CADM2: variants seen among roughly 807,000 people sequenced by gnomAD.
CADM2 encodes cell adhesion molecule 2.
A neutral mutation model predicts 49.8 loss-of-function variants in CADM2; 12 were observed. The ratio of observed to expected loss-of-function variants is 0.24; its 90% CI spans 0.15 to 0.39. The LOEUF (loss-of-function observed/expected upper bound fraction) is 0.39, where lower values mean the gene tolerates loss of function less well. Among genes scored for constraint, CADM2 ranks in the 10% least tolerant of loss-of-function variants. The pLI is 1.00. For missense variants in CADM2, 378 were observed against 492.3 expected, an observed-to-expected ratio of 0.77 and a Z score of 2.20; for synonymous variants, 214 against 175.4, an observed-to-expected ratio of 1.22 and a Z score of -1.74.
intron 1 of CADM2, among the ~76,000 whole-genome samples, chr3:85,100,993 C>T (rs190489625): frequency 6.6e-6 from 1 of 152,114 alleles, no homozygotes; most frequent in African/African-American, 2.4e-5. Flanking sequence ...TGGTGGCTCA[C>T]GACTGTAATC....
chr3:85,054,553 A>G (rs2036005593), intron 1 of CADM2, among the ~76,000 whole-genome samples: 1 of 151,868 alleles, frequency 6.6e-6, no homozygotes. Flanking sequence ...GCATGGATTA[A>G]AGAGGGAAAG....
chr3:84,993,171 G>T (rs919148899), intron 1 of CADM2, among the ~76,000 whole-genome samples: 4 of 152,230 alleles, frequency 2.6e-5, no homozygotes, highest in African/African-American at 9.6e-5. Flanking sequence ...GGGTGGGCTT[G>T]TTTATCGGGC....
intron 2 of CADM2, among the ~76,000 whole-genome samples, chr3:85,764,660 C>A (rs1311567833): frequency 6.6e-6 from 1 of 151,970 alleles, no homozygotes; most frequent in African/African-American, 2.4e-5. Flanking sequence ...TTAAGAGATG[C>A]ATCAGCATAT....
chr3:86,067,700 A>C lies in CADM2; in HGVS notation c.*917A>C, dbSNP rs1240762571. ...AATCCAATTAAACATTATTTGATAC[A>C]TATTTAACTTTTTTGGCTGTATGTA... On this transcript the variant is annotated 3_prime_UTR_variant, in exon 10 of 10. Transcript: ENST00000383699. 6.6e-6 allele frequency: 1 copy of C among 152,510 alleles called. No homozygotes were observed. The highest frequency in any genetic ancestry group is 1.5e-5 in the Non-Finnish European group (1 of 67,928). 9.4% of individuals were successfully genotyped at this position (152,510 alleles called of 1,614,324 possible). A position where few individuals can be genotyped will look rare whatever the true frequency, so the allele number is the denominator to read the frequency against.
At chr3:85,354,213 AT>A (rs1320185727) in intron 1 of CADM2, among the ~76,000 whole-genome samples, 1 of 151,910 alleles carries the variant, frequency 6.6e-6, no homozygotes, top group Non-Finnish European at 1.5e-5. Context: ...TATTTAGAAA[AT>A]TCTTGATTTA....
intron 2 of CADM2, among the ~76,000 whole-genome samples, chr3:85,758,810 A>G (rs2069239614): frequency 6.6e-6 from 1 of 152,092 alleles, no homozygotes; most frequent in Admixed American, 6.6e-5. Flanking sequence ...TACTAGAAGT[A>G]TCAGTGTTCT....
intron 1 of CADM2, among the ~76,000 whole-genome samples, chr3:85,652,772 C>CTTTTTTTTTTT (rs34756757): frequency 0.02 from 1,024 of 50,800 alleles, 203 homozygotes; most frequent in South Asian, 0.034. Context: ...TTTTTCTTTT[C>CTTTTTTTTTTT]TTTTTTTTTT....
intron 8 of CADM2, among the ~76,000 whole-genome samples, chr3:85,999,667 AAG>A: frequency 6.6e-6 from 1 of 151,758 alleles, no homozygotes; most frequent in Non-Finnish European, 1.5e-5. Context: ...AAAAGAAAGA[AAG>A]AAAGAAAAAG....
intron 1 of CADM2, among the ~76,000 whole-genome samples, chr3:85,507,403 G>A (rs1340759694): frequency 6.6e-6 from 1 of 151,502 alleles, no homozygotes; most frequent in Non-Finnish European, 1.5e-5. Context: ...TGGTCAGGCT[G>A]GTCTTAAACT....
chr3:85,531,316 C>T (rs1424789616), intron 1 of CADM2, among the ~76,000 whole-genome samples: 1 of 152,064 alleles, frequency 6.6e-6, no homozygotes, highest in East Asian at 1.9e-4. Flanking sequence ...CCCAAGGAGA[C>T]ATAAAGACAC....
At chr3:85,918,725 C>T (rs1028620342) in intron 6 of CADM2, among the ~76,000 whole-genome samples, 3 of 152,022 alleles carry the variant, frequency 2.0e-5, no homozygotes, top group African/African-American at 7.2e-5. Context: ...GCAGATTTTA[C>T]ATAACAGGGA....
At chr3:85,947,688 G>A (rs1722913506) in intron 7 of CADM2, among the ~76,000 whole-genome samples, 1 of 151,350 alleles carries the variant, frequency 6.6e-6, no homozygotes, top group South Asian at 2.1e-4. Context: ...TGATTATCTT[G>A]GAAATGAGAC....
At chr3:85,943,021 C>G (rs371598610) in intron 7 of CADM2, among the ~76,000 whole-genome samples, 11 of 151,980 alleles carry the variant, frequency 7.2e-5, no homozygotes, top group African/African-American at 2.4e-4. Context: ...TTTAATGATT[C>G]CCATTCTAAC....
At chr3:85,993,938 G>A (rs1015066262) in intron 8 of CADM2, 1 of 152,038 alleles carries the variant, frequency 6.6e-6, no homozygotes, top group East Asian at 1.9e-4. Flanking sequence ...TTTATTAAAG[G>A]CCTTAGGATT....
At chr3:85,372,557 G>T (rs1432834186) in intron 1 of CADM2, among the ~76,000 whole-genome samples, 1 of 151,770 alleles carries the variant, frequency 6.6e-6, no homozygotes, top group East Asian at 1.9e-4. Context: ...CTAGGTAGAG[G>T]GCAATTAATT....
At chr3:85,854,894 T>A (rs2108302272) in intron 3 of CADM2, among the ~76,000 whole-genome samples, 1 of 152,264 alleles carries the variant, frequency 6.6e-6, no homozygotes, top group Non-Finnish European at 1.5e-5. Flanking sequence ...TAAATGAGAA[T>A]ACCTTAGTAA....
At chr3:85,241,309 A>T (rs879798221) in intron 1 of CADM2, among the ~76,000 whole-genome samples, 33 of 151,576 alleles carry the variant, frequency 2.2e-4, no homozygotes, top group Non-Finnish European at 4.1e-4. Context: ...ATTGTAGAGA[A>T]AATATATGAT....
At chr3:85,874,824 T>C (rs185769725) in intron 3 of CADM2, among the ~76,000 whole-genome samples, 46 of 152,214 alleles carry the variant, frequency 3.0e-4, no homozygotes, top group Admixed American at 1.4e-3. Flanking sequence ...AGAGGAAATA[T>C]TTTGTCTCTG....
intron 1 of CADM2, among the ~76,000 whole-genome samples, chr3:85,467,774 T>C (rs1032786347): frequency 1.3e-5 from 2 of 152,176 alleles, no homozygotes; most frequent in African/African-American, 4.8e-5. Flanking sequence ...ATCTTAATTA[T>C]TATCTTGTTT....
Sources: allele counts gnomAD v4.1 joint callset (sites outside exome capture counted in the v4.1 genomes callset), GRCh38; gene constraint gnomAD v4.1.1; transcripts MANE v1.5; gene names NCBI Gene and HGNC (gene_info 2026-07-23, HGNC 2026-07-21).